The following CLASP2 variants were observed in gnomAD, a reference collection of about 807,000 sequenced individuals.
The protein encoded by CLASP2 is CLIP-associating protein 2.
Under a neutral mutation model 194.4 loss-of-function variants are expected in CLASP2, and 47 were observed. The ratio of observed to expected loss-of-function variants is 0.24; its 90% CI spans 0.19 to 0.31. CLASP2 has a LOEUF of 0.31. Ranked by LOEUF, CLASP2 falls within the 10% of genes least tolerant of loss-of-function variation. The pLI, the probability that CLASP2 is intolerant of heterozygous loss-of-function variation, is 1.00. For synonymous variants in CLASP2, 619 were observed against 633.5 expected, an observed-to-expected ratio of 0.98 and a Z score of 0.34; for missense variants, 1,445 against 1,823.6, an observed-to-expected ratio of 0.79 and a Z score of 3.78.
intron 7 of CLASP2, among the ~76,000 whole-genome samples, chr3:33,648,845 T>C (rs1001395817): frequency 6.6e-6 from 1 of 152,184 alleles, no homozygotes; most frequent in Non-Finnish European, 1.5e-5. Context: ...TGCAACCCCA[T>C]TACCTAGAAC....
At chr3:33,558,129 C>T (rs1318593309) in intron 29 of CLASP2, among the ~76,000 whole-genome samples, 3 of 152,296 alleles carry the variant, frequency 2.0e-5, no homozygotes, top group Admixed American at 6.5e-5. Context: ...GAGATGAATG[C>T]CTGACTGTTC....
intron 12 of CLASP2, among the ~76,000 whole-genome samples, chr3:33,615,764 C>T (rs145123581): frequency 1.2e-3 from 183 of 151,918 alleles, no homozygotes; most frequent in Non-Finnish European, 2.2e-3. Flanking sequence ...CAACCAAATT[C>T]CCTGATCAGA....
chr3:33,694,243 TATATGGTAA>T (rs1652613011), intron 2 of CLASP2, among the ~76,000 whole-genome samples: 1 of 152,066 alleles, frequency 6.6e-6, no homozygotes, highest in African/African-American at 2.4e-5. Context: ...AGAAGGAACA[TATATGGTAA>T]AAGACAGCTT....
At chr3:33,688,700 C>T (rs1225158790) in intron 3 of CLASP2, among the ~76,000 whole-genome samples, 1 of 152,202 alleles carries the variant, frequency 6.6e-6, no homozygotes, top group Admixed American at 6.5e-5. Context: ...AATAACAATG[C>T]TGCCATTATA....
chr3:33,511,386 A>G (rs933211169), intron 36 of CLASP2, among the ~76,000 whole-genome samples: 11 of 152,080 alleles, frequency 7.2e-5, no homozygotes, highest in Admixed American at 7.2e-4. Flanking sequence ...TGTTAGTGTG[A>G]GGAGGCTCTA....
At chr3:33,707,721 A>G (rs1176705248) in intron 1 of CLASP2, among the ~76,000 whole-genome samples, 3 of 152,228 alleles carry the variant, frequency 2.0e-5, no homozygotes, top group Non-Finnish European at 4.4e-5. Context: ...AGATCTAACT[A>G]AATTACCAAT....
At chr3:33,523,712 A>G (rs2053766379) in intron 34 of CLASP2, among the ~76,000 whole-genome samples, 1 of 152,214 alleles carries the variant, frequency 6.6e-6, no homozygotes, top group South Asian at 2.1e-4. Flanking sequence ...CTGTAACTCC[A>G]TTTTTTGTTT....
chr3:33,631,031 G>A (rs1432439725), intron 9 of CLASP2, among the ~76,000 whole-genome samples: 1 of 152,076 alleles, frequency 6.6e-6, no homozygotes, highest in African/African-American at 2.4e-5. Flanking sequence ...ACTTTTTAAG[G>A]CTTTCTTGTA....
chr3:33,643,057 T>C (rs188886890), intron 8 of CLASP2, among the ~76,000 whole-genome samples: 9 of 152,054 alleles, frequency 5.9e-5, no homozygotes, highest in East Asian at 1.9e-4. Flanking sequence ...CTGGTAGGAA[T>C]AGAAACTACA....
intron 9 of CLASP2, among the ~76,000 whole-genome samples, chr3:33,630,273 A>G (rs1273229807): frequency 1.3e-5 from 2 of 152,194 alleles, no homozygotes; most frequent in Non-Finnish European, 1.5e-5. Flanking sequence ...AATAATTCCT[A>G]TTTTAAGATG....
intron 1 of CLASP2, among the ~76,000 whole-genome samples, chr3:33,715,613 T>C (rs568189006): frequency 4.6e-5 from 7 of 152,100 alleles, no homozygotes; most frequent in Non-Finnish European, 1.0e-4. Context: ...GGGCCTTGTC[T>C]TGTTCAAAGC....
At chr3:33,618,682 A>G (rs2076619274) in intron 12 of CLASP2, among the ~76,000 whole-genome samples, 1 of 152,110 alleles carries the variant, frequency 6.6e-6, no homozygotes. Context: ...AAAAAAAGGA[A>G]GTTAAAGAAT....
intron 15 of CLASP2, 39 bp downstream of exon 15, chr3:33,607,345 A>C: frequency 1.4e-6 from 2 of 1,401,386 alleles, no homozygotes; most frequent in Non-Finnish European, 1.9e-6. Context: ...TTTTTTAAAA[A>C]AGATTAAACT....
At chr3:33,561,788 T>A (rs2061830640) in intron 27 of CLASP2, among the ~76,000 whole-genome samples, 1 of 152,116 alleles carries the variant, frequency 6.6e-6, no homozygotes, top group Non-Finnish European at 1.5e-5. Flanking sequence ...TATCTCTTTA[T>A]AAGATAGTCA....
chr3:33,537,660 T>C (rs1559916772), intron 33 of CLASP2, among the ~76,000 whole-genome samples: 1 of 152,210 alleles, frequency 6.6e-6, no homozygotes, highest in African/African-American at 2.4e-5. Context: ...AGTGTAATGA[T>C]GTGTTTTTAA....
Position 33,584,928 on chromosome 3 carries a change from C to G in CLASP2, c.2069-8G>C. The G allele has an allele frequency of 6.2e-7, 1 of 1,600,498 alleles. No individual in the cohort carries two copies. ...ACCCAGACCGGCTACCAGCTGAACA[C>G]CAAACACATATACAAATGTTAACAT... On this transcript the variant is annotated splice_polypyrimidine_tract_variant and splice_region_variant and intron_variant, in intron 21 of 38. Transcript: ENST00000682230.
intron 1 of CLASP2, among the ~76,000 whole-genome samples, chr3:33,716,992 C>T (rs897536560): frequency 6.6e-6 from 1 of 152,218 alleles, no homozygotes; most frequent in African/African-American, 2.4e-5. Flanking sequence ...AAAGTAACTA[C>T]TAACGACTAC....
chr3:33,543,231 G>C (rs2058653506), intron 32 of CLASP2, among the ~76,000 whole-genome samples: 1 of 152,124 alleles, frequency 6.6e-6, no homozygotes, highest in Admixed American at 6.5e-5. Context: ...AAATCAGCGG[G>C]GTGTGGTGGC....
At chr3:33,563,968 T>C (rs1442458873) in intron 27 of CLASP2, 1 of 450,738 alleles carries the variant, frequency 2.2e-6, no homozygotes, top group African/African-American at 2.0e-5. Context: ...TGTGACTCTC[T>C]ATAGAATTTA....
Sources: allele counts gnomAD v4.1 joint callset (sites outside exome capture counted in the v4.1 genomes callset), GRCh38; gene constraint gnomAD v4.1.1; transcripts MANE v1.5; gene names NCBI Gene and HGNC (gene_info 2026-07-23, HGNC 2026-07-21).